Variants in AGBL4 observed in about 807,000 individuals in gnomAD.
The protein encoded by AGBL4 is cytosolic carboxypeptidase 6.
In AGBL4, 58 loss-of-function variants were observed where a neutral mutation model predicts 66.4. The observed-to-expected ratio is 0.87, with a 90% confidence interval of 0.71 to 1.09. The LOEUF (loss-of-function observed/expected upper bound fraction) is 1.09, where lower values mean the gene tolerates loss of function less well. AGBL4 is among the 50% of genes least tolerant of loss of function. The pLI is 0.00. For missense variants in AGBL4, 579 were observed against 631.0 expected (o/e 0.92, Z 0.88); for synonymous variants, 234 against 222.9 (o/e 1.05, Z -0.44).
Position 49,977,945 on chromosome 1 carries a change from T to A in AGBL4, c.34+45818A>T, listed in dbSNP as rs372519875. 9.8e-4 allele frequency among the ~76,000 whole-genome samples: 150 copies of A among 152,354 alleles called. 2 individuals carry two copies. The South Asian group carries it at 0.03, about 30-fold the overall frequency. The stretch of plus-strand genomic sequence containing the variant: ...GTAAATCTACTTTTCTCTTTCTGCA[T>A]ATTCTCTTTAATTCTGCTGGTACAT... On this transcript the variant is annotated intron_variant, in intron 1 of 13. Transcript: ENST00000371839.
At chr1:49,920,261 C>T (rs1197752334) in intron 1 of AGBL4, among the ~76,000 whole-genome samples, 2 of 152,190 alleles carry the variant, frequency 1.3e-5, no homozygotes, top group Admixed American at 6.5e-5. Flanking sequence ...AACTAAAGAG[C>T]TTCTGCACAG....
intron 3 of AGBL4, among the ~76,000 whole-genome samples, chr1:49,660,122 T>G (rs1165851111): frequency 1.3e-5 from 2 of 152,014 alleles, no homozygotes; most frequent in Non-Finnish European, 2.9e-5. Flanking sequence ...TAAACTAAAG[T>G]GCTTCTGCAC....
At chr1:49,497,034 C>T (rs1269095378) in intron 3 of AGBL4, among the ~76,000 whole-genome samples, 2 of 151,876 alleles carry the variant, frequency 1.3e-5, no homozygotes, top group Admixed American at 6.6e-5. Context: ...TTGCCACCAC[C>T]TGTCATCTTT....
intron 4 of AGBL4, among the ~76,000 whole-genome samples, chr1:49,221,248 T>C (rs1266992772): frequency 6.6e-6 from 1 of 152,118 alleles, no homozygotes; most frequent in Non-Finnish European, 1.5e-5. Context: ...ATCTAAGCAT[T>C]ATAGCTGAGT....
chr1:48,651,948 T>C (rs1253736972), intron 8 of AGBL4, among the ~76,000 whole-genome samples: 2 of 152,236 alleles, frequency 1.3e-5, no homozygotes, highest in East Asian at 3.8e-4. Flanking sequence ...TCCCTGCTGC[T>C]AGGCATGAGG....
At chr1:49,144,626 G>C (rs954821202) in intron 4 of AGBL4, among the ~76,000 whole-genome samples, 1 of 151,984 alleles carries the variant, frequency 6.6e-6, no homozygotes, top group Admixed American at 6.6e-5. Context: ...ATATGGATGA[G>C]ACATAGTCCT....
chr1:49,443,368 C>A (rs1646079147), intron 3 of AGBL4, among the ~76,000 whole-genome samples: 1 of 152,058 alleles, frequency 6.6e-6, no homozygotes, highest in Admixed American at 6.5e-5. Flanking sequence ...AAAGTTTTCT[C>A]TAGATGTTCT....
chr1:49,764,176 C>T (rs1269065256), intron 2 of AGBL4, among the ~76,000 whole-genome samples: 2 of 152,108 alleles, frequency 1.3e-5, no homozygotes, highest in Non-Finnish European at 2.9e-5. Context: ...AGCAAAATTC[C>T]CAGAGGCAAC....
At chr1:49,677,448 C>T (rs150444404) in intron 3 of AGBL4, among the ~76,000 whole-genome samples, 1 of 152,022 alleles carries the variant, frequency 6.6e-6, no homozygotes, top group African/African-American at 2.4e-5. Context: ...GGAAAAAACC[C>T]CACTTAGTCT....
At chr1:49,969,336 C>G (rs1657852880) in intron 1 of AGBL4, among the ~76,000 whole-genome samples, 1 of 151,958 alleles carries the variant, frequency 6.6e-6, no homozygotes, top group Non-Finnish European at 1.5e-5. Context: ...TCCTCCTGCC[C>G]TCTTTGTGTG....
intron 3 of AGBL4, among the ~76,000 whole-genome samples, chr1:49,480,356 G>C (rs988906441): frequency 2.4e-4 from 37 of 151,920 alleles, no homozygotes; most frequent in African/African-American, 8.7e-4. Context: ...GTATCTCATT[G>C]TGGTTTTGAT....
chr1:48,729,354 C>T (rs929160021), intron 6 of AGBL4, among the ~76,000 whole-genome samples: 4 of 152,098 alleles, frequency 2.6e-5, no homozygotes, highest in African/African-American at 7.2e-5. Flanking sequence ...AGGACTAGGG[C>T]GTGGGTGGTG....
intron 5 of AGBL4, among the ~76,000 whole-genome samples, chr1:48,966,294 A>G (rs1658410920): frequency 6.6e-6 from 1 of 152,156 alleles, no homozygotes; most frequent in South Asian, 2.1e-4. Context: ...CCAAGATAGC[A>G]TTGTTTTAAA....
At chr1:49,481,794 G>A (rs1646961455) in intron 3 of AGBL4, among the ~76,000 whole-genome samples, 1 of 151,684 alleles carries the variant, frequency 6.6e-6, no homozygotes, top group African/African-American at 2.4e-5. Context: ...TTTGCGGTGT[G>A]TGATTTCAAT....
At chr1:49,406,925 C>T (rs1000129755) in intron 3 of AGBL4, among the ~76,000 whole-genome samples, 1 of 151,528 alleles carries the variant, frequency 6.6e-6, no homozygotes, top group African/African-American at 2.4e-5. Context: ...ATTAGCCAGG[C>T]GTGGTGGCGG....
At chr1:48,900,829 G>C (rs1293780440) in intron 5 of AGBL4, among the ~76,000 whole-genome samples, 1 of 152,148 alleles carries the variant, frequency 6.6e-6, no homozygotes, top group Non-Finnish European at 1.5e-5. Flanking sequence ...ATTAGGGAAA[G>C]ATTTCTTAGA....
chr1:48,923,837 G>A (rs76108609), intron 5 of AGBL4, among the ~76,000 whole-genome samples: 6,738 of 152,210 alleles, frequency 0.044, 428 homozygotes, highest in African/African-American at 0.15. Context: ...TCTCCTAAGA[G>A]AAGTCCTCTT....
chr1:49,790,650 A>G (rs1644576542), intron 2 of AGBL4, among the ~76,000 whole-genome samples: 3 of 152,212 alleles, frequency 2.0e-5, no homozygotes, highest in Non-Finnish European at 4.4e-5. Flanking sequence ...CCAGAATTCT[A>G]TATCAAGTGA....
At chr1:49,957,683 C>T (rs1656738251) in intron 1 of AGBL4, among the ~76,000 whole-genome samples, 1 of 151,900 alleles carries the variant, frequency 6.6e-6, no homozygotes, top group Non-Finnish European at 1.5e-5. Context: ...GATTGCAACC[C>T]TTGCCTTTTT....
Sources: allele counts gnomAD v4.1 joint callset (sites outside exome capture counted in the v4.1 genomes callset), GRCh38; gene constraint gnomAD v4.1.1; transcripts MANE v1.5; gene names NCBI Gene and HGNC (gene_info 2026-07-23, HGNC 2026-07-21).